METAP1D: variants seen among roughly 807,000 people sequenced by gnomAD.
METAP1D encodes methionine aminopeptidase 1D, mitochondrial.
Under a neutral mutation model 40.5 loss-of-function variants are expected in METAP1D, and 31 were observed. The observed-to-expected ratio is 0.77, with a 90% confidence interval of 0.58 to 1.03. The LOEUF is 1.03. Ranked by LOEUF, METAP1D falls within the 50% of genes least tolerant of loss-of-function variation. METAP1D has a pLI of 0.00. For missense variants in METAP1D, 411 were observed against 420.7 expected, an observed-to-expected ratio of 0.98 and a Z score of 0.20; for synonymous variants, 151 against 146.4, an observed-to-expected ratio of 1.03 and a Z score of -0.22.
chr2:172,046,845 A>T (rs1431860547), intron 1 of METAP1D, among the ~76,000 whole-genome samples: 1 of 152,252 alleles, frequency 6.6e-6, no homozygotes, highest in Non-Finnish European at 1.5e-5. Context: ...AATAACAAAG[A>T]TAAGCTTTGA....
At chr2:172,078,007 T>G in intron 7 of METAP1D, 113 bp downstream of exon 7, 1 of 536,216 alleles carries the variant, frequency 1.9e-6, no homozygotes. Flanking sequence ...TGTGTTTGTG[T>G]GTGTGTTTAT....
At chr2:172,019,345 A>G (rs975135793) in intron 1 of METAP1D, among the ~76,000 whole-genome samples, 11 of 152,134 alleles carry the variant, frequency 7.2e-5, no homozygotes, top group Admixed American at 2.0e-4. Context: ...CAGAGAAGAA[A>G]TTTTCTAGAA....
At chr2:172,023,514 T>C (rs540812830) in intron 1 of METAP1D, among the ~76,000 whole-genome samples, 1 of 152,310 alleles carries the variant, frequency 6.6e-6, no homozygotes, top group East Asian at 1.9e-4. Flanking sequence ...GAGAACCTCC[T>C]GGAAGGTTGA....
At chr2:172,035,813 T>A (rs1223975612) in intron 1 of METAP1D, among the ~76,000 whole-genome samples, 1 of 151,938 alleles carries the variant, frequency 6.6e-6, no homozygotes, top group African/African-American at 2.4e-5. Context: ...CATGCCTGGC[T>A]AATTTTTAAT....
chr2:172,045,826 T>TAC (rs1689748567), intron 1 of METAP1D, among the ~76,000 whole-genome samples: 2 of 57,056 alleles, frequency 3.5e-5, no homozygotes, highest in African/African-American at 1.4e-4. Flanking sequence ...TGTGTATATA[T>TAC]ATATATATAT....
intron 3 of METAP1D, among the ~76,000 whole-genome samples, 165 bp from the exon 4 acceptor site, chr2:172,065,439 T>C (rs1690249616): frequency 6.6e-6 from 1 of 152,228 alleles, no homozygotes; most frequent in African/African-American, 2.4e-5. Context: ...CAAGGCACAG[T>C]TGAGGATTCT....
chr2:172,037,810 T>C (rs1689430660), intron 1 of METAP1D, among the ~76,000 whole-genome samples: 2 of 152,318 alleles, frequency 1.3e-5, no homozygotes, highest in Middle Eastern at 3.4e-3. Flanking sequence ...CGGGTGGCTG[T>C]ATTTGAGCTT....
At chr2:172,068,857 C>CCTTCCTTT (rs569341971) in intron 5 of METAP1D, among the ~76,000 whole-genome samples, 1 of 151,884 alleles carries the variant, frequency 6.6e-6, no homozygotes, top group South Asian at 2.1e-4. Context: ...TTCCTTCCTT[C>CCTTCCTTT]GTTCCTCCCT....
At chr2:172,050,018 A>G (rs1431486473) in intron 1 of METAP1D, among the ~76,000 whole-genome samples, 1 of 152,168 alleles carries the variant, frequency 6.6e-6, no homozygotes, top group Admixed American at 6.5e-5. Flanking sequence ...TTTAAGATGT[A>G]GGGTTTTTTG....
intron 1 of METAP1D, among the ~76,000 whole-genome samples, chr2:172,028,933 G>A (rs942959072): frequency 1.3e-5 from 2 of 152,082 alleles, no homozygotes; most frequent in East Asian, 1.9e-4. Context: ...TATTGTTAAA[G>A]CATCTTTACA....
At position 172,044,095 on chromosome 2, in the gene METAP1D, A is replaced by C. The variant is rs1365429284; in HGVS notation, c.41-17403A>C. On this transcript the variant is annotated intron_variant, in intron 1 of 9. Coordinates refer to ENST00000315796, the MANE Select transcript of METAP1D (RefSeq NM_199227.3). ...TGACAGAGCAAGACCCTGTCCCCCC[A>C]AAAAATTATAGTCATATTGTCCTTA... Among the ~76,000 whole-genome samples, 5 of 134,548 alleles carry C rather than the reference A, an allele frequency of 3.7e-5. 2 individuals carry two copies. The highest frequency in any genetic ancestry group is 7.6e-5 in the African/African-American group (3 of 39,706). The allele number at this position is 134,548 out of a possible 152,430, so 88.3% of individuals were successfully genotyped here. A position where few individuals can be genotyped will look rare whatever the true frequency, so the allele number is the denominator to read the frequency against.
chr2:172,006,777 T>C (rs1452151841), intron 1 of METAP1D, among the ~76,000 whole-genome samples: 2 of 152,200 alleles, frequency 1.3e-5, no homozygotes, highest in African/African-American at 4.8e-5. Flanking sequence ...GTCATCAACC[T>C]ATGGCCACTA....
intron 1 of METAP1D, among the ~76,000 whole-genome samples, chr2:172,055,676 T>C (rs1307885467): frequency 6.6e-6 from 1 of 152,190 alleles, no homozygotes; most frequent in Non-Finnish European, 1.5e-5. Context: ...ATAAACACAG[T>C]ATGGCACCTT....
intron 1 of METAP1D, among the ~76,000 whole-genome samples, chr2:172,028,129 T>C (rs1055292919): frequency 6.6e-6 from 1 of 151,768 alleles, no homozygotes; most frequent in Non-Finnish European, 1.5e-5. Flanking sequence ...TTTAGGGAAA[T>C]AAACAAAGCT....
chr2:172,005,023 A>T (rs1272974292), intron 1 of METAP1D, among the ~76,000 whole-genome samples: 1 of 151,616 alleles, frequency 6.6e-6, no homozygotes, highest in Non-Finnish European at 1.5e-5. Context: ...CCTGGGCTCG[A>T]CCAGTCCTCC....
At chr2:172,003,298 C>G (rs1270627111) in intron 1 of METAP1D, among the ~76,000 whole-genome samples, 1 of 152,106 alleles carries the variant, frequency 6.6e-6, no homozygotes, top group Non-Finnish European at 1.5e-5. Context: ...GAATCCCTAC[C>G]CTGGGGCCCC....
intron 1 of METAP1D, among the ~76,000 whole-genome samples, chr2:172,008,974 G>A (rs752925946): frequency 1.1e-4 from 17 of 152,142 alleles, no homozygotes; most frequent in Non-Finnish European, 2.2e-4. Context: ...AATGGAGTGG[G>A]CCAGTGTGAG....
chr2:172,028,542 C>G (rs935505279), intron 1 of METAP1D, among the ~76,000 whole-genome samples: 11 of 141,296 alleles, frequency 7.8e-5, no homozygotes, highest in African/African-American at 1.3e-4. Flanking sequence ...GTATGTGTGT[C>G]TGTGTGTGTG....
chr2:172,068,021 A>G (rs943803302), intron 5 of METAP1D, among the ~76,000 whole-genome samples: 4 of 152,184 alleles, frequency 2.6e-5, no homozygotes, highest in African/African-American at 4.8e-5. Context: ...TCCCCCCTTT[A>G]AAACTGAAAA....
Sources: gnomAD v4.1 joint callset for allele counts (sites outside exome capture counted in the v4.1 genomes callset) on GRCh38, gnomAD v4.1.1 for gene constraint, MANE v1.5 for transcripts, NCBI Gene and HGNC (gene_info 2026-07-23, HGNC 2026-07-21) for gene names.